RBM19: variants seen among roughly 807,000 people sequenced by gnomAD.
RBM19 encodes RNA binding motif protein 19.
A neutral mutation model predicts 116.8 loss-of-function variants in RBM19; 94 were observed. That is an observed-to-expected ratio of 0.80 (90% confidence interval 0.68 to 0.95). The LOEUF is 0.95. RBM19 is among the 40% of genes least tolerant of loss of function. The pLI is 0.00. For synonymous variants in RBM19, 475 were observed against 494.1 expected (o/e 0.96, Z 0.51); for missense variants, 1,161 against 1,220.7 (o/e 0.95, Z 0.73).
At chr12:113,868,175 G>C (rs1878973256) in intron 21 of RBM19, among the ~76,000 whole-genome samples, 1 of 152,120 alleles carries the variant, frequency 6.6e-6, no homozygotes, top group Admixed American at 6.5e-5. Flanking sequence ...TGAGTCTCTG[G>C]CTGCTTAAGG....
At chr12:113,843,911 C>T (rs1876720736) in intron 23 of RBM19, among the ~76,000 whole-genome samples, 1 of 152,234 alleles carries the variant, frequency 6.6e-6, no homozygotes, top group Non-Finnish European at 1.5e-5. Context: ...CTTGCTCCAA[C>T]CTGGGGGTCT....
At position 113,955,150 on chromosome 12, in the gene RBM19, G is replaced by A. The variant is rs747036927; in HGVS notation, c.902C>T (p.Ala301Val). ...ACATACCTCTGTGACATTGAACGGG[G>A]CTCCCCGCAGCTTCACGGTGTGGCA... is the stretch of plus-strand genomic sequence containing the variant. ...TTCHTVKLRG[A>V]PFNVTEKNVM... is the part of the protein sequence containing the mutation. Residue 301 changes from alanine to valine, a missense_variant, in exon 7 of 24, where the codon GCC (alanine) becomes GTC (valine). Physicochemically the swap from Ala to Val is moderately conservative, Grantham distance 64 (BLOSUM62 0). Coordinates refer to ENST00000261741, the MANE Select transcript of RBM19 (RefSeq NM_016196.4). 1.2e-6 allele frequency: 2 copies of A among 1,613,932 alleles called. No homozygotes were observed. The highest frequency in any genetic ancestry group is 4.5e-5 in the East Asian group (2 of 44,886).
At chr12:113,846,195 T>C (rs1187619733) in intron 22 of RBM19, among the ~76,000 whole-genome samples, 3 of 152,122 alleles carry the variant, frequency 2.0e-5, no homozygotes, top group African/African-American at 7.2e-5. Flanking sequence ...AGAAGGCCCT[T>C]TGCTTTGCTT....
rs1215343460 is a variant in RBM19, at chr12:113,918,421, C to T, written c.2412G>A (p.Leu804=). 6.2e-7 allele frequency: 1 copy of T among 1,614,206 alleles called. No homozygotes were observed. The highest frequency in any genetic ancestry group is 2.2e-5 in the East Asian group (1 of 44,876). ...TGGCTCGTTCCGAGATCCTCACTTCCAGCTTGTGGCCGTCCACGACGTGAC... is the reference window on the plus strand; with the variant it reads ...TGGCTCGTTCCGAGATCCTCACTTCTAGCTTGTGGCCGTCCACGACGTGAC... ...LQGHVVDGHK[L]EVRISERATK... The change falls in exon 20 of 24, where the codon CTG becomes CTA. Residue 804 remains leucine (L), a synonymous_variant. Coordinates refer to ENST00000261741, the MANE Select transcript of RBM19 (RefSeq NM_016196.4).
intron 23 of RBM19, among the ~76,000 whole-genome samples, chr12:113,832,540 A>C (rs1875517813): frequency 1.3e-5 from 2 of 152,164 alleles, no homozygotes; most frequent in African/African-American, 4.8e-5. Context: ...ACATATTCCC[A>C]CACCCCACCC....
intron 10 of RBM19, 94 bp from the exon 11 acceptor site, chr12:113,947,558 G>A: frequency 7.4e-7 from 1 of 1,359,072 alleles, no homozygotes; most frequent in South Asian, 1.6e-5. Context: ...CAACCTCACA[G>A]GTCATGGGTG....
rs1208138911 is a variant in RBM19 at position 113,956,106 on chromosome 12, G to A, written c.841-895C>T. Among the ~76,000 whole-genome samples, 3 of 152,102 alleles carry A rather than the reference G, an allele frequency of 2.0e-5. No individual in the cohort carries two copies. In the South Asian group the frequency reaches 6.2e-4, roughly 32 times the overall value. On this transcript the variant is annotated intron_variant, in intron 6 of 23. Transcript: ENST00000261741. ...AACAGCCACTAAATGATGGAACTAG[G>A]ATTTGAACTCATAATTCTGACTTCC...
chr12:113,887,113 G>T (rs143182038), intron 21 of RBM19, among the ~76,000 whole-genome samples: 1 of 152,184 alleles, frequency 6.6e-6, no homozygotes, highest in Non-Finnish European at 1.5e-5. Context: ...CAATTTCATC[G>T]TCTATGATAC....
At chr12:113,923,711 C>G (rs1868796481) in intron 18 of RBM19, among the ~76,000 whole-genome samples, 1 of 152,236 alleles carries the variant, frequency 6.6e-6, no homozygotes, top group African/African-American at 2.4e-5. Flanking sequence ...GCTCTGCCCC[C>G]CACCCCTCCC....
At chr12:113,887,924 A>G (rs1880655587) in intron 21 of RBM19, among the ~76,000 whole-genome samples, 1 of 152,104 alleles carries the variant, frequency 6.6e-6, no homozygotes, top group Non-Finnish European at 1.5e-5. Context: ...GTCTCACTAC[A>G]TTGCCCAGGC....
At chr12:113,837,534 C>A (rs910587942) in intron 23 of RBM19, among the ~76,000 whole-genome samples, 5 of 152,224 alleles carry the variant, frequency 3.3e-5, no homozygotes, top group African/African-American at 1.2e-4. Context: ...GGAGCCCCAC[C>A]GTTTCCCTAA....
At chr12:113,921,321 T>C (rs1868539229) in intron 18 of RBM19, among the ~76,000 whole-genome samples, 1 of 152,200 alleles carries the variant, frequency 6.6e-6, no homozygotes, top group South Asian at 2.1e-4. Flanking sequence ...AGTGTTTTTA[T>C]AGGGCACTAA....
chr12:113,947,087 CCTG>C (rs1312919354), intron 11 of RBM19, among the ~76,000 whole-genome samples: 1 of 152,148 alleles, frequency 6.6e-6, no homozygotes, highest in Admixed American at 6.5e-5. Flanking sequence ...TTTTTCAGTG[CCTG>C]CTAAGTGCCA....
At position 113,931,094 on chromosome 12, in the gene RBM19, C is replaced by A. The variant is rs567199036; in HGVS notation, c.2069-3865G>T. 5.3e-5 allele frequency among the ~76,000 whole-genome samples: 8 copies of A among 152,104 alleles called. No homozygotes were observed. The South Asian group carries it at 1.7e-3, about 32-fold the overall frequency. On this transcript the variant is annotated intron_variant, in intron 16 of 23. Coordinates refer to ENST00000261741, the MANE Select transcript of RBM19 (RefSeq NM_016196.4). Reference sequence around the variant, plus strand: ...ACTCAATTACCAAATTTTAAAAGGACGATAATGTAATAATTATGACGAAGA... The same window carrying A: ...ACTCAATTACCAAATTTTAAAAGGAAGATAATGTAATAATTATGACGAAGA...
At chr12:113,878,234 C>T (rs188949156) in intron 21 of RBM19, among the ~76,000 whole-genome samples, 27 of 152,282 alleles carry the variant, frequency 1.8e-4, no homozygotes, top group African/African-American at 6.5e-4. Flanking sequence ...CCCAGGGCCC[C>T]TCTCTGCCAC....
At chr12:113,912,454 G>C (rs1025474368) in intron 21 of RBM19, among the ~76,000 whole-genome samples, 13 of 152,244 alleles carry the variant, frequency 8.5e-5, no homozygotes, top group African/African-American at 3.1e-4. Context: ...ACAGGCAGCA[G>C]AGAGGAGTGG....
At chr12:113,947,248 CCACACACATACA>C (rs1369526908) in intron 11 of RBM19, 74 bp downstream of exon 11, 1 of 1,440,786 alleles carries the variant, frequency 6.9e-7, no homozygotes, top group South Asian at 1.6e-5. Context: ...ACGCCCGTGT[CCACACACATACA>C]CACACACACA....
chr12:113,950,319 C>T (rs1871363905), intron 8 of RBM19, among the ~76,000 whole-genome samples, 165 bp from the exon 9 acceptor site: 1 of 152,162 alleles, frequency 6.6e-6, no homozygotes, highest in Non-Finnish European at 1.5e-5. Context: ...TGTCTCCCAC[C>T]CACAGCCAAA....
chr12:113,903,354 C>T lies in RBM19; in HGVS notation c.2558+11615G>A, dbSNP rs956464492. On this transcript the variant is annotated intron_variant, in intron 21 of 23. Transcript: ENST00000261741. This position sits in a 1 kb window ranked among gnomAD's most constrained non-coding sequence, Gnocchi z 5.1. ...AATCCACGTTATCAGTAGTCCATTC[C>T]TATTTATGGCCGAATAACATTCCAT... Among the ~76,000 whole-genome samples, 1 of 152,200 alleles carries T rather than the reference C, an allele frequency of 6.6e-6. No individual in the cohort carries two copies. The highest frequency in any genetic ancestry group is 2.4e-5 in the African/African-American group (1 of 41,440).
Sources: gnomAD v4.1 joint callset for allele counts (sites outside exome capture counted in the v4.1 genomes callset) on GRCh38, gnomAD v4.1.1 for gene constraint, Gnocchi (gnomAD v3.1) non-coding constraint, MANE v1.5 for transcripts, NCBI Gene and HGNC (gene_info 2026-07-23, HGNC 2026-07-21) for gene names.